LCMT1: variants seen among roughly 807,000 people sequenced by gnomAD.
LCMT1 encodes the protein [Phosphatase 2A protein]-leucine-carboxy methyltransferase 1.
LCMT1 carries 32 observed loss-of-function variants against 47.7 expected under a neutral mutation model. The ratio of observed to expected loss-of-function variants is 0.67; its 90% CI spans 0.51 to 0.90. LCMT1 has a LOEUF of 0.90. LCMT1 is among the 40% of genes least tolerant of loss of function. LCMT1 has a pLI of 0.00. For missense variants in LCMT1, 375 were observed against 415.2 expected, an observed-to-expected ratio of 0.90 and a Z score of 0.84; for synonymous variants, 152 against 149.7, an observed-to-expected ratio of 1.02 and a Z score of -0.11.
chr16:25,126,251 G>A, intron 1 of LCMT1: 3 of 1,078,908 alleles, frequency 2.8e-6, no homozygotes, highest in Non-Finnish European at 3.6e-6. Flanking sequence ...CGGACAGGGT[G>A]CTCCTGAGGT....
At chr16:25,125,419 G>A (rs1205500904) in intron 1 of LCMT1, among the ~76,000 whole-genome samples, 2 of 152,204 alleles carry the variant, frequency 1.3e-5, no homozygotes, top group African/African-American at 4.8e-5. Context: ...GTGTACGCAT[G>A]TGTTTCAGGC....
At chr16:25,121,109 CAAAGTTGATG>C (rs1244269814) in intron 1 of LCMT1, among the ~76,000 whole-genome samples, 1 of 150,714 alleles carries the variant, frequency 6.6e-6, no homozygotes, top group Non-Finnish European at 1.5e-5. Context: ...ATGTGTTTGC[CAAAGTTGATG>C]ATTTTTACAT....
At chr16:25,134,222 A>G (rs1960439408) in intron 3 of LCMT1, among the ~76,000 whole-genome samples, 1 of 152,120 alleles carries the variant, frequency 6.6e-6, no homozygotes, top group Non-Finnish European at 1.5e-5. Flanking sequence ...CCTGATATGA[A>G]GGTCTTTGGT....
At position 25,169,204 on chromosome 16, in the gene LCMT1, A is replaced by G. The variant is rs1292335454; in HGVS notation, c.783A>G (p.Leu261=). The change falls in exon 8 of 11, where the codon TTA becomes TTG. Residue 261 remains leucine, a synonymous_variant. Transcript: ENST00000399069. ...CGGGAGTGGAGACCTGCAAGTCATT[A>G]GAGTCACAGGTCAGAGAGCAGGGAC... ...DLAGVETCKS[L]ESQKERLLSN... The G allele has an allele frequency of 6.2e-7, 1 of 1,606,442 alleles. No homozygotes were observed.
intron 5 of LCMT1, among the ~76,000 whole-genome samples, chr16:25,156,862 A>G (rs560786223): frequency 1.3e-5 from 2 of 151,662 alleles, no homozygotes; most frequent in Non-Finnish European, 2.9e-5. Context: ...TCAGTGCCCC[A>G]TGAGTGTCAG....
intron 3 of LCMT1, among the ~76,000 whole-genome samples, chr16:25,133,485 A>G (rs1960415152): frequency 8.0e-6 from 1 of 124,904 alleles, no homozygotes; most frequent in East Asian, 2.5e-4. Flanking sequence ...TGCAGCCTCC[A>G]CCTCCCGGGT....
At chr16:25,127,849 G>C (rs902714118) in intron 1 of LCMT1, among the ~76,000 whole-genome samples, 10 of 149,010 alleles carry the variant, frequency 6.7e-5, no homozygotes, top group African/African-American at 2.5e-4. Context: ...TTGCAAGAAG[G>C]CTTCCTGTGC....
chr16:25,147,688 AT>A (rs1483300171), intron 4 of LCMT1: 1 of 151,576 alleles, frequency 6.6e-6, no homozygotes, highest in Non-Finnish European at 1.5e-5. Flanking sequence ...TTTTTTTTTA[AT>A]TAAAAAAAAA....
intron 5 of LCMT1, among the ~76,000 whole-genome samples, chr16:25,157,091 C>A (rs1389839789): frequency 6.6e-6 from 1 of 152,138 alleles, no homozygotes; most frequent in Non-Finnish European, 1.5e-5. Flanking sequence ...TCCAACACAT[C>A]TCTCGAAATG....
rs538501397 is a variant in LCMT1, at chr16:25,120,948, C to T, written c.114-7527C>T. On this transcript the variant is annotated intron_variant, in intron 1 of 10. Coordinates refer to ENST00000399069, the MANE Select transcript of LCMT1 (RefSeq NM_016309.3). ...TTTTTTTTTTTTTTTTTTGTAGAGA[C>T]GGGGTTTTGCCGTGTTGCCTAGACT... Among the ~76,000 whole-genome samples, 10 of 129,190 alleles carry T rather than the reference C, an allele frequency of 7.7e-5. No individual in the cohort carries two copies. In the East Asian group the frequency reaches 1.8e-3, roughly 23 times the overall value. 84.8% of individuals were successfully genotyped at this position (129,190 alleles called of 152,430 possible). A position where few individuals can be genotyped will look rare whatever the true frequency, so the allele number is the denominator to read the frequency against.
chr16:25,173,289 T>C (rs1003460305), intron 9 of LCMT1, among the ~76,000 whole-genome samples: 1 of 152,166 alleles, frequency 6.6e-6, no homozygotes, highest in Admixed American at 6.5e-5. Context: ...ATTAGTAGTG[T>C]CTCCTGATAG....
At chr16:25,145,272 AATG>A (rs1377805774) in intron 4 of LCMT1, 1 of 152,184 alleles carries the variant, frequency 6.6e-6, no homozygotes, top group Non-Finnish European at 1.5e-5. Flanking sequence ...TCAAGGTTTT[AATG>A]ATATTAAAAT....
chr16:25,132,381 T>G, intron 2 of LCMT1, 21 bp from the exon 3 acceptor site: 2 of 1,612,736 alleles, frequency 1.2e-6, no homozygotes. Context: ...AGCTTGTTTC[T>G]GTGCCTCCCC....
chr16:25,170,113 G>A (rs1186619776), intron 8 of LCMT1, among the ~76,000 whole-genome samples: 2 of 152,086 alleles, frequency 1.3e-5, no homozygotes, highest in East Asian at 3.9e-4. Context: ...CCAGCTACTT[G>A]GGAGACTGAG....
At chr16:25,138,407 C>T (rs755684083) in intron 3 of LCMT1, among the ~76,000 whole-genome samples, 1 of 151,668 alleles carries the variant, frequency 6.6e-6, no homozygotes, top group Admixed American at 6.6e-5. Context: ...GGCTGGATAG[C>T]GAGGAGGGCA....
intron 3 of LCMT1, among the ~76,000 whole-genome samples, chr16:25,135,214 G>T (rs1251413253): frequency 2.0e-5 from 3 of 151,960 alleles, no homozygotes; most frequent in African/African-American, 7.3e-5. Context: ...GTTCTTTGTG[G>T]AAATGTTTTG....
intron 9 of LCMT1, among the ~76,000 whole-genome samples, chr16:25,171,833 T>C (rs971544969): frequency 1.3e-5 from 2 of 152,194 alleles, no homozygotes; most frequent in African/African-American, 4.8e-5. Flanking sequence ...TCTTAACATA[T>C]TGGGGAATAT....
At chr16:25,115,307 G>A (rs562548372) in intron 1 of LCMT1, among the ~76,000 whole-genome samples, 3 of 152,142 alleles carry the variant, frequency 2.0e-5, no homozygotes, top group East Asian at 1.9e-4. Context: ...TTCATCCCTC[G>A]GTAATTCTGT....
chr16:25,160,740 T>C (rs1434860015), intron 5 of LCMT1: 1 of 524,660 alleles, frequency 1.9e-6, no homozygotes, highest in South Asian at 1.4e-5. Context: ...TACAGAAGGA[T>C]GTCCCTGATG....
Sources: allele counts gnomAD v4.1 joint callset (sites outside exome capture counted in the v4.1 genomes callset), GRCh38; gene constraint gnomAD v4.1.1; transcripts MANE v1.5; gene names NCBI Gene and HGNC (gene_info 2026-07-23, HGNC 2026-07-21).